The following TET3 variants were observed in gnomAD, a reference collection of about 807,000 sequenced individuals.
The protein encoded by TET3 is tet methylcytosine dioxygenase 3.
Under a neutral mutation model 141.4 loss-of-function variants are expected in TET3, and 19 were observed. The observed-to-expected ratio is 0.13, with a 90% CI of 0.09 to 0.20. The LOEUF is 0.20. Ranked by LOEUF, TET3 falls within the 10% of genes least tolerant of loss-of-function variation. TET3 has a pLI of 1.00. For synonymous variants in TET3, 1,043 were observed against 980.9 expected, an observed-to-expected ratio of 1.06 and a Z score of -1.18; for missense variants, 1,874 against 2,356.9, an observed-to-expected ratio of 0.80 and a Z score of 4.24.
chr2:74,062,881 C>CTTTTTTTTT (rs10649388), intron 4 of TET3, among the ~76,000 whole-genome samples: 1 of 121,438 alleles, frequency 8.2e-6, no homozygotes, highest in African/African-American at 3.3e-5. Flanking sequence ...TCAGGTGAAA[C>CTTTTTTTTT]TTTTTTTTTT....
Position 74,100,853 on chromosome 2 carries a change from C to A in TET3, c.4065C>A (p.His1355Gln), listed in dbSNP as rs1245118273. 1 of 1,611,684 alleles carries A rather than the reference C, an allele frequency of 6.2e-7. No individual in the cohort carries two copies. Among genetic ancestry groups the A allele is most frequent in the Middle Eastern group, 1.7e-4 (1 of 6,058 alleles). ...VPTDAHHPTP[H>Q]HQQPAYPGPK... ...CAGACGCCCACCACCCCACTCCTCA[C>A]CACCAGCAGCCTGCGTACCCAGGCC... The change falls in exon 12 of 12, where the codon CAC (histidine) becomes CAA (glutamine). Residue 1355 changes from histidine (H) to glutamine (Q), a missense_variant. Around this residue, in one of 10 missense-constraint regions of TET3, gnomAD observed 602 missense variants for 590.2 expected, o/e 1.02. Transcript: ENST00000409262.
chr2:74,113,996 A>G, the TET3 span, among the ~76,000 whole-genome samples: 1 of 152,220 alleles, frequency 6.6e-6, no homozygotes, highest in Non-Finnish European at 1.5e-5. Flanking sequence ...AAATAGCCAA[A>G]GCAATCCTGA....
intron 2 of TET3, among the ~76,000 whole-genome samples, chr2:73,997,627 C>G (rs1239358996): frequency 6.6e-6 from 1 of 152,128 alleles, no homozygotes; most frequent in Non-Finnish European, 1.5e-5. Flanking sequence ...CTGGAGGCAG[C>G]CAGCCCCTCT....
chr2:73,995,849 G>A lies in TET3; in HGVS notation c.304-7261G>A, dbSNP rs553225891. Among the ~76,000 whole-genome samples the A allele has an allele frequency of 2.6e-5, 4 of 152,304 alleles. 1 individual carries two copies. The highest frequency in any genetic ancestry group is 9.6e-5 in the African/African-American group (4 of 41,556). On this transcript the variant is annotated intron_variant, in intron 2 of 11. Coordinates refer to ENST00000409262, the MANE Select transcript of TET3 (RefSeq NM_001287491.2). ...TGAGATCCCAGCCCCCACACCCAAG[G>A]TAAGTGGTGAGGTCTCTGGACAGAA... is the stretch of plus-strand genomic sequence containing the variant.
Position 74,099,541 on chromosome 2 carries a change from A to G in TET3, c.3533A>G (p.Lys1178Arg). ...GCAGCCGAGAAGAAGAAGATTCAGA[A>G]GGAGAAGCTGAGCACTCCGGAGAAG... ...KAAAEKKKIQ[K>R]EKLSTPEKIK... The change falls in exon 11 of 12, where the codon AAG (lysine) becomes AGG (arginine). Residue 1178 changes from lysine (K) to arginine (R), a missense_variant. Physicochemically the swap from Lys to Arg is conservative, Grantham distance 26. Around this residue, in one of 10 missense-constraint regions of TET3, gnomAD observed 602 missense variants for 590.2 expected, o/e 1.02. Transcript: ENST00000409262. The G allele has an allele frequency of 6.2e-7, 1 of 1,611,392 alleles. No individual in the cohort carries two copies. Among genetic ancestry groups the G allele is most frequent in the Non-Finnish European group, 8.5e-7 (1 of 1,178,730 alleles).
Position 73,995,251 on chromosome 2 carries a change from T to C in TET3, c.304-7859T>C, listed in dbSNP as rs144574017. ...CTGAGATTATAGGCGTGAGCCACTG[T>C]GCCTGGCCTGTTTGCATGTTTTTTA... On this transcript the variant is annotated intron_variant, in intron 2 of 11. Transcript: ENST00000409262. Among the ~76,000 whole-genome samples, 370 of 152,374 alleles carry C rather than the reference T, an allele frequency of 2.4e-3. 4 individuals carry two copies. Among genetic ancestry groups the C allele is most frequent in the African/African-American group, 8.1e-3 (337 of 41,596 alleles).
chr2:74,124,013 C>T, the TET3 span, among the ~76,000 whole-genome samples: 1 of 151,184 alleles, frequency 6.6e-6, no homozygotes, highest in Admixed American at 6.6e-5. Flanking sequence ...TGAGGAGCCC[C>T]TCCGCCCGGC....
At chr2:73,989,051 A>G (rs918073823) in intron 2 of TET3, among the ~76,000 whole-genome samples, 2 of 132,910 alleles carry the variant, frequency 1.5e-5, no homozygotes, top group Non-Finnish European at 3.1e-5. Flanking sequence ...GTCACTGTCT[A>G]GGGTATACCA....
chr2:74,131,014 G>A, the TET3 span: 1 of 152,344 alleles, frequency 6.6e-6, no homozygotes, highest in Non-Finnish European at 1.5e-5. Flanking sequence ...GGTGGGCAGG[G>A]CAGGCCTAGG....
chr2:74,085,247 T>C (rs903106671), intron 6 of TET3, among the ~76,000 whole-genome samples: 4 of 152,210 alleles, frequency 2.6e-5, no homozygotes, highest in Non-Finnish European at 5.9e-5. Flanking sequence ...TTGGAAGAAT[T>C]AGCCTCACTG....
the TET3 span, among the ~76,000 whole-genome samples, chr2:74,125,990 G>A: frequency 1.1e-4 from 16 of 152,332 alleles, no homozygotes; most frequent in East Asian, 3.1e-3. Flanking sequence ...TGAACTTGTG[G>A]CTCAGGTGAT....
chr2:74,093,440 C>A lies in TET3; in HGVS notation c.3130-89C>A. The A allele has an allele frequency of 1.4e-6, 2 of 1,457,150 alleles. No individual in the cohort carries two copies. The highest frequency in any genetic ancestry group is 2.4e-5 in the East Asian group (1 of 41,594). The allele number at this position is 1,457,150 out of a possible 1,614,324, so 90.3% of individuals were successfully genotyped here. ...CAAGGTGACTATCATCCTTAACATC[C>A]CTCCTTCCAAGACCTGGCCTCCCCA... On this transcript the variant is annotated intron_variant, in intron 9 of 11. Transcript: ENST00000409262. This position sits in a 1 kb window ranked among gnomAD's most constrained non-coding sequence, Gnocchi z 4.2.
At chr2:74,032,600 C>G (rs963522434) in intron 3 of TET3, among the ~76,000 whole-genome samples, 1 of 151,972 alleles carries the variant, frequency 6.6e-6, no homozygotes, top group East Asian at 1.9e-4. Flanking sequence ...AGAGCAGCTG[C>G]TGCTGCTTTT....
chr2:74,093,411 A>AGGGC lies in TET3; in HGVS notation c.3130-117_3130-114dup. 2.2e-6 allele frequency: 3 copies of AGGGC among 1,365,184 alleles called. No homozygotes were observed. The highest frequency in any genetic ancestry group is 2.9e-6 in the Non-Finnish European group (3 of 1,035,072). 84.6% of individuals were successfully genotyped at this position (1,365,184 alleles called of 1,614,324 possible). On this transcript the variant is annotated intron_variant, in intron 9 of 11. Transcript: ENST00000409262. The surrounding 1 kb of genome is among the most constrained non-coding windows in gnomAD (Gnocchi z 4.2). ...CAGAAAACCTCCCTCCTGCAGTCGA[A>AGGGC]GGGCAAGGTGACTATCATCCTTAAC...
chr2:73,992,314 TTTTG>T (rs1684370148), intron 2 of TET3, among the ~76,000 whole-genome samples: 1 of 148,040 alleles, frequency 6.8e-6, no homozygotes, highest in Admixed American at 6.6e-5. Flanking sequence ...TCTTTTTTTT[TTTTG>T]TTTTGTTTTG....
chr2:74,032,544 G>C (rs1219017124), intron 3 of TET3, among the ~76,000 whole-genome samples: 1 of 151,000 alleles, frequency 6.6e-6, no homozygotes, highest in Non-Finnish European at 1.5e-5. Flanking sequence ...TCTGGCTGAG[G>C]AGCTGCCTCC....
intron 2 of TET3, among the ~76,000 whole-genome samples, chr2:74,000,142 A>C (rs1684775692): frequency 6.6e-6 from 1 of 152,138 alleles, no homozygotes; most frequent in African/African-American, 2.4e-5. Context: ...ATCACAGTTC[A>C]GTTCTGGCAG....
intron 4 of TET3, 22 bp downstream of exon 4, chr2:74,048,433 G>A (rs952124159): frequency 1.3e-6 from 2 of 1,583,226 alleles, no homozygotes; most frequent in Non-Finnish European, 1.7e-6. Flanking sequence ...TGGGTATCAG[G>A]GAAGGGCAGA....
At chr2:74,090,986 G>A (rs1032663973) in intron 8 of TET3, among the ~76,000 whole-genome samples, 44 of 152,072 alleles carry the variant, frequency 2.9e-4, no homozygotes, top group Admixed American at 1.3e-4. Context: ...CCCACTTCCC[G>A]TGGTGCAGGG....
Sources: allele counts gnomAD v4.1 joint callset (sites outside exome capture counted in the v4.1 genomes callset), GRCh38; gene constraint gnomAD v4.1.1; regional missense constraint gnomAD v4.1.1; non-coding constraint Gnocchi (gnomAD v3.1); transcripts MANE v1.5; gene names NCBI Gene and HGNC (gene_info 2026-07-23, HGNC 2026-07-21).